Variants in ADGRL2 observed in about 807,000 individuals in gnomAD.
The protein encoded by ADGRL2 is calcium-independent alpha-latrotoxin receptor 2.
ADGRL2 carries 44 observed loss-of-function variants against 157.4 expected under a neutral mutation model. The observed-to-expected ratio is 0.28, with a 90% CI of 0.22 to 0.36. ADGRL2 has a LOEUF of 0.36. Ranked by LOEUF, ADGRL2 falls within the 10% of genes least tolerant of loss-of-function variation. The pLI is 1.00. For synonymous variants in ADGRL2, 585 were observed against 624.7 expected (o/e 0.94, Z 0.95); for missense variants, 1,510 against 1,768.9 (o/e 0.85, Z 2.63).
rs576379568 is a variant in ADGRL2 at position 81,802,725 on chromosome 1, C to T, written c.-101+1657C>T. Among the ~76,000 whole-genome samples the T allele has an allele frequency of 2.6e-5, 4 of 152,254 alleles. No individual in the cohort carries two copies. The East Asian group carries it at 7.8e-4, about 30-fold the overall frequency. On this transcript the variant is annotated intron_variant, in intron 1 of 23. Transcript: ENST00000686636. The stretch of plus-strand genomic sequence containing the variant: ...CCAGCGTCCCGCCCGCTTTGCCCTC[C>T]GGTCCCGCACTGTAAGTGGAGCGGG...
chr1:81,597,390 GA>G (rs529766505), intron 3 of ADGRL2, among the ~76,000 whole-genome samples: 4 of 151,776 alleles, frequency 2.6e-5, no homozygotes, highest in African/African-American at 7.3e-5. Context: ...AAAAAATAAA[GA>G]AAAAAATTAT....
intron 1 of ADGRL2, chr1:81,426,748 C>A (rs2077224350): frequency 4.3e-6 from 2 of 465,028 alleles, no homozygotes; most frequent in Non-Finnish European, 8.3e-6. Flanking sequence ...CTCAACCACA[C>A]AGGTTGGTGG....
chr1:81,392,349 G>A (rs550820832), intron 1 of ADGRL2, among the ~76,000 whole-genome samples: 1 of 152,160 alleles, frequency 6.6e-6, no homozygotes, highest in African/African-American at 2.4e-5. Flanking sequence ...AAATATTTAA[G>A]TTTTATACCT....
chr1:81,492,085 T>A (rs2078645278), intron 2 of ADGRL2, among the ~76,000 whole-genome samples: 1 of 152,194 alleles, frequency 6.6e-6, no homozygotes, highest in African/African-American at 2.4e-5. Context: ...TAATTTTGTT[T>A]AAAAAGGAGT....
intron 6 of ADGRL2, among the ~76,000 whole-genome samples, chr1:81,948,676 A>G (rs937069696): frequency 6.6e-6 from 1 of 152,246 alleles, no homozygotes; most frequent in African/African-American, 2.4e-5. Context: ...GATGTCAAGC[A>G]AGTGCTTTAA....
At chr1:81,899,378 A>G (rs1262630325) in intron 2 of ADGRL2, among the ~76,000 whole-genome samples, 4 of 152,158 alleles carry the variant, frequency 2.6e-5, no homozygotes, top group Non-Finnish European at 5.9e-5. Context: ...TTTATTAGGA[A>G]TTACCCCTGA....
chr1:81,540,345 A>G (rs986274621), intron 2 of ADGRL2, among the ~76,000 whole-genome samples: 2 of 152,242 alleles, frequency 1.3e-5, no homozygotes, highest in African/African-American at 4.8e-5. Context: ...GCTTTTAAAC[A>G]AATATGTATT....
At chr1:81,343,022 A>T (rs1393291762) in intron 1 of ADGRL2, among the ~76,000 whole-genome samples, 1 of 151,938 alleles carries the variant, frequency 6.6e-6, no homozygotes, top group African/African-American at 2.4e-5. Flanking sequence ...AGAATATAAT[A>T]AATTCATGCT....
chr1:81,314,625 G>C (rs1659983192), intron 1 of ADGRL2, among the ~76,000 whole-genome samples: 1 of 152,102 alleles, frequency 6.6e-6, no homozygotes, highest in Non-Finnish European at 1.5e-5. Context: ...CCTTGAGATA[G>C]TAGTTTCTAA....
Position 81,943,619 on chromosome 1 carries a change from C to T in ADGRL2, c.1060C>T (p.Arg354Ter), listed in dbSNP as rs757891324. ...TTACATTTATAATACCCGATTAAAC[C>T]GAGGAGAATATGTAGATGTTCCCTT... is the stretch of plus-strand genomic sequence containing the variant. ...IDYIYNTRLN[R>*]GEYVDVPFPN... is the part of the protein sequence containing the mutation. The change falls in exon 6 of 24, where the codon CGA becomes TGA. Residue 354 changes from arginine (R) to a stop codon, truncating the protein, a stop_gained. Coordinates refer to ENST00000686636, the MANE Select transcript of ADGRL2 (RefSeq NM_001366006.2). LOFTEE classifies it high-confidence loss of function. This position sits in a 1 kb window ranked among gnomAD's most constrained non-coding sequence, Gnocchi z 5.6. 6.2e-7 allele frequency: 1 copy of T among 1,613,532 alleles called. No homozygotes were observed. Among genetic ancestry groups the T allele is most frequent in the Non-Finnish European group, 8.5e-7 (1 of 1,179,664 alleles).
At chr1:81,805,232 C>G (rs1351456987) in intron 1 of ADGRL2, among the ~76,000 whole-genome samples, 2 of 151,904 alleles carry the variant, frequency 1.3e-5, no homozygotes, top group East Asian at 1.9e-4. Flanking sequence ...AAAAAAAGAA[C>G]AAGTGCTTGG....
At chr1:81,504,289 C>T (rs995342653) in intron 2 of ADGRL2, among the ~76,000 whole-genome samples, 1 of 152,102 alleles carries the variant, frequency 6.6e-6, no homozygotes. Context: ...TCAGCCCTCC[C>T]CAGTCCTCCC....
intron 2 of ADGRL2, among the ~76,000 whole-genome samples, chr1:81,543,008 CTTT>C (rs199767965): frequency 4.5e-5 from 6 of 134,670 alleles, no homozygotes; most frequent in Admixed American, 7.3e-5. Context: ...TTTTATCTTG[CTTT>C]TTTTTTTTTT....
At chr1:81,396,393 T>C (rs2076655658) in intron 1 of ADGRL2, among the ~76,000 whole-genome samples, 1 of 152,224 alleles carries the variant, frequency 6.6e-6, no homozygotes, top group East Asian at 1.9e-4. Context: ...CTAACAGCTT[T>C]TTGTTAAGAG....
chr1:81,581,913 C>G (rs1034152511), intron 3 of ADGRL2, among the ~76,000 whole-genome samples: 28 of 151,362 alleles, frequency 1.8e-4, no homozygotes, highest in Non-Finnish European at 3.7e-4. Flanking sequence ...CACACACACC[C>G]CTGCCTCAGA....
chr1:81,664,412 T>C (rs917568143), intron 3 of ADGRL2, among the ~76,000 whole-genome samples: 1 of 152,180 alleles, frequency 6.6e-6, no homozygotes, highest in Non-Finnish European at 1.5e-5. Context: ...AACCCATAAT[T>C]CTACTTTAGT....
chr1:81,901,026 G>T (rs2094475911), intron 2 of ADGRL2, among the ~76,000 whole-genome samples: 1 of 152,174 alleles, frequency 6.6e-6, no homozygotes, highest in Non-Finnish European at 1.5e-5. Context: ...GTATTAAAAA[G>T]AAACCACGAC....
intron 1 of ADGRL2, 55 bp from the exon 2 acceptor site, chr1:81,836,816 CGGAGAGAGAGAATT>C: frequency 2.1e-6 from 1 of 480,702 alleles, no homozygotes; most frequent in Non-Finnish European, 3.7e-6. Flanking sequence ...GAGAGAGGAA[CGGAGAGAGAGAATT>C]GTTTTGTTAT....
chr1:81,687,775 T>C (rs2083259173), intron 3 of ADGRL2, among the ~76,000 whole-genome samples: 1 of 152,228 alleles, frequency 6.6e-6, no homozygotes, highest in Non-Finnish European at 1.5e-5. Flanking sequence ...GGGTGACTTA[T>C]GCTTTAAAGA....
Sources: allele counts gnomAD v4.1 joint callset (sites outside exome capture counted in the v4.1 genomes callset), GRCh38; gene constraint gnomAD v4.1.1; non-coding constraint Gnocchi (gnomAD v3.1); transcripts MANE v1.5; gene names NCBI Gene and HGNC (gene_info 2026-07-23, HGNC 2026-07-21).